The following GOLGA3 variants were observed in gnomAD, a reference collection of about 807,000 sequenced individuals.
GOLGA3 encodes the protein golgin A3.
In GOLGA3, 75 loss-of-function variants were observed where a neutral mutation model predicts 169.4. That is an observed-to-expected ratio of 0.44 (90% CI 0.37 to 0.54). The LOEUF (loss-of-function observed/expected upper bound fraction) is 0.54. Among genes scored for constraint, GOLGA3 ranks in the 20% least tolerant of loss-of-function variants. The pLI is 0.00. For missense variants in GOLGA3, 1,899 were observed against 1,930.0 expected (o/e 0.98, Z 0.30); for synonymous variants, 824 against 822.4 (o/e 1.00, Z -0.03).
Position 132,804,695 on chromosome 12 carries a change from C to T in GOLGA3, c.1597+21G>A, listed in dbSNP as rs774343498. The stretch of plus-strand genomic sequence containing the variant: ...CAGGGACCAGTCAGGGAGGGGAGGG[C>T]GTGGCCAGGGCCAGCCTCACCTGTG... On this transcript the variant is annotated intron_variant, in intron 7 of 23. Transcript: ENST00000450791. The surrounding 1 kb of genome is among the most constrained non-coding windows in gnomAD (Gnocchi z 4.1). 3.8e-6 allele frequency: 6 copies of T among 1,584,742 alleles called. No individual in the cohort carries two copies. In the East Asian group the frequency reaches 6.7e-5, roughly 18 times the overall value.
chr12:132,819,789 C>T (rs1280374350), intron 2 of GOLGA3, among the ~76,000 whole-genome samples: 9 of 152,210 alleles, frequency 5.9e-5, no homozygotes, highest in African/African-American at 1.4e-4. Flanking sequence ...CCTGTAATCC[C>T]AGCACTTTGG....
Position 132,813,434 on chromosome 12 carries a change from G to A in GOLGA3, c.407-15C>T. 1 of 1,447,992 alleles carries A rather than the reference G, an allele frequency of 6.9e-7. No individual in the cohort carries two copies. Among genetic ancestry groups the A allele is most frequent in the Non-Finnish European group, 9.6e-7 (1 of 1,042,294 alleles). 89.7% of individuals were successfully genotyped at this position (1,447,992 alleles called of 1,614,324 possible). A position where few individuals can be genotyped will look rare whatever the true frequency, so the allele number is the denominator to read the frequency against. On this transcript the variant is annotated splice_polypyrimidine_tract_variant and intron_variant, in intron 3 of 23. Coordinates refer to ENST00000450791, the MANE Select transcript of GOLGA3 (RefSeq NM_001389683.1). ...ATCTGTAGAGCCTGCAGTGGGAAAA[G>A]GGCAATTTGGAAACTCATAAAATAC...
rs1280331348 is a variant in GOLGA3 at position 132,792,843 on chromosome 12, G to A, written c.2470-1550C>T. On this transcript the variant is annotated intron_variant, in intron 11 of 23. Coordinates refer to ENST00000450791, the MANE Select transcript of GOLGA3 (RefSeq NM_001389683.1). The stretch of plus-strand genomic sequence containing the variant: ...CCACTCGGAGGGCTCCACACGGACC[G>A]ACCACACGGGACCTGCACTCGGAGG... Among the ~76,000 whole-genome samples the A allele has an allele frequency of 1.2e-4, 8 of 65,170 alleles. 1 individual carries two copies. The highest frequency in any genetic ancestry group is 2.3e-4 in the Non-Finnish European group (8 of 34,144). 42.8% of individuals were successfully genotyped at this position (65,170 alleles called of 152,430 possible). A position where few individuals can be genotyped will look rare whatever the true frequency, so the allele number is the denominator to read the frequency against.
At chr12:132,789,921 T>TA (rs2046133872) in intron 12 of GOLGA3, among the ~76,000 whole-genome samples, 2 of 152,010 alleles carry the variant, frequency 1.3e-5, no homozygotes. Context: ...TAGTCCCAGC[T>TA]ACTCACGAGG....
intron 22 of GOLGA3, 177 bp from the exon 23 acceptor site, chr12:132,774,497 T>C: frequency 3.1e-6 from 2 of 645,428 alleles, no homozygotes; most frequent in East Asian, 5.5e-5. Flanking sequence ...CCAGAATAGC[T>C]GGCTGAGGAA....
chr12:132,798,290 A>G (rs1386802208), intron 9 of GOLGA3, 50 bp downstream of exon 9: 1 of 1,535,780 alleles, frequency 6.5e-7, no homozygotes, highest in African/African-American at 1.4e-5. Context: ...CATGGTATCG[A>G]TGTCTGCGTC....
chr12:132,804,732 G>A lies in GOLGA3; in HGVS notation c.1581C>T (p.Leu527=). The A allele has an allele frequency of 6.2e-7, 1 of 1,613,200 alleles. No homozygotes were observed. Among genetic ancestry groups the A allele is most frequent in the Non-Finnish European group, 8.5e-7 (1 of 1,179,270 alleles). ...CAGCCTCACCTGTGTTGTCCTTGCT[G>A]AGCATGCTCCTCTGCATGTCCTCTA... The part of the protein sequence containing the change: ...AKVEDMQRSM[L]SKDNTVHDLR... The change falls in exon 7 of 24, where the codon CTC becomes CTT. Residue 527 remains leucine, a synonymous_variant. Coordinates refer to ENST00000450791, the MANE Select transcript of GOLGA3 (RefSeq NM_001389683.1). This position sits in a 1 kb window ranked among gnomAD's most constrained non-coding sequence, Gnocchi z 4.1.
intron 8 of GOLGA3, among the ~76,000 whole-genome samples, chr12:132,798,867 C>A (rs1022935736): frequency 1.3e-5 from 2 of 152,216 alleles, no homozygotes; most frequent in Non-Finnish European, 2.9e-5. Context: ...CACACCAGGG[C>A]CTGCCCTCAG....
In GOLGA3 at chr12:132,769,825, G is replaced by A. The variant is rs1018756647; in HGVS notation, c.*3280C>T. On this transcript the variant is annotated 3_prime_UTR_variant, in exon 24 of 24. Coordinates refer to ENST00000450791, the MANE Select transcript of GOLGA3 (RefSeq NM_001389683.1). Reference sequence around the variant, plus strand: ...AGGATATTCCATCATTCCCACTTCTGCCCACAAGAACAAAATAATTCAAAC... The same window carrying A: ...AGGATATTCCATCATTCCCACTTCTACCCACAAGAACAAAATAATTCAAAC... 3 of 152,080 alleles carry A rather than the reference G, an allele frequency of 2.0e-5. No individual in the cohort carries two copies. Among genetic ancestry groups the A allele is most frequent in the Admixed American group, 1.3e-4 (2 of 15,272 alleles). The allele number at this position is 152,080 out of a possible 1,614,324, so 9.4% of individuals were successfully genotyped here. A position where few individuals can be genotyped will look rare whatever the true frequency, so the allele number is the denominator to read the frequency against.
intron 2 of GOLGA3, among the ~76,000 whole-genome samples, chr12:132,821,706 T>C (rs1027390800): frequency 1.3e-5 from 2 of 148,764 alleles, no homozygotes; most frequent in African/African-American, 4.9e-5. Flanking sequence ...TACAAAAAAT[T>C]AGCCGGGCGC....
Position 132,776,968 on chromosome 12 carries a change from C to A in GOLGA3, c.3845G>T (p.Gly1282Val). The change falls in exon 20 of 24, where the codon GGA (glycine) becomes GTA (valine). Residue 1282 changes from glycine to valine, a missense_variant. Coordinates refer to ENST00000450791, the MANE Select transcript of GOLGA3 (RefSeq NM_001389683.1). The stretch of plus-strand genomic sequence containing the variant: ...CCCGTGAACCGTCACCTCTTGGTTT[C>A]CCACGGGCTGTTTGCTGAGCTGCTC... ...LDEQLSKQPV[G>V]NQEMENLKWE... The A allele has an allele frequency of 6.3e-7, 1 of 1,596,012 alleles. No homozygotes were observed. The highest frequency in any genetic ancestry group is 1.1e-5 in the South Asian group (1 of 87,950).
chr12:132,773,421 C>A, intron 23 of GOLGA3, 127 bp from the exon 24 acceptor site: 1 of 539,190 alleles, frequency 1.9e-6, no homozygotes, highest in African/African-American at 1.9e-5. Context: ...CGCAAACCAA[C>A]TGAGACCACA....
At chr12:132,787,471 C>T (rs981896485) in intron 13 of GOLGA3, among the ~76,000 whole-genome samples, 6 of 149,578 alleles carry the variant, frequency 4.0e-5, no homozygotes, top group Admixed American at 1.3e-4. Context: ...ACCCCAGGAC[C>T]CCTCCCCAAG....
In GOLGA3 at chr12:132,770,279, TAAGG is replaced by T. The variant is rs1367947026; in HGVS notation, c.*2822_*2825del. 6.6e-6 allele frequency: 1 copy of T among 150,870 alleles called. No individual in the cohort carries two copies. The highest frequency in any genetic ancestry group is 1.5e-5 in the Non-Finnish European group (1 of 67,838). 9.3% of individuals were successfully genotyped at this position (150,870 alleles called of 1,614,324 possible). On this transcript the variant is annotated 3_prime_UTR_variant, in exon 24 of 24. Transcript: ENST00000450791. Reference sequence around the variant, plus strand: ...CAACTTCCTCTTTTAGGCGTCTTCTTAAGGAAGGAAGTGTCCGCGTGAACACGAG... The same window carrying T: ...CAACTTCCTCTTTTAGGCGTCTTCTTAAGGAAGTGTCCGCGTGAACACGAG...
At position 132,796,045 on chromosome 12, in the gene GOLGA3, C is replaced by T; in HGVS notation, c.2276G>A (p.Gly759Asp). The change falls in exon 11 of 24, where the codon GGC becomes GAC. Residue 759 changes from glycine to aspartate, a missense_variant. Transcript: ENST00000450791. ...ELQARLGELQ[G>D]EAASREDTIC... ...CGTGTCCTCCCTGGAGGCGGCCTCG[C>T]CCTGCAGCTCCCCCAGCCTGGCCTG... The T allele has an allele frequency of 6.2e-7, 1 of 1,612,516 alleles. No individual in the cohort carries two copies.
intron 2 of GOLGA3, among the ~76,000 whole-genome samples, chr12:132,820,974 C>T (rs963909468): frequency 6.6e-6 from 1 of 151,546 alleles, no homozygotes; most frequent in African/African-American, 2.4e-5. Flanking sequence ...GTGGCAGGTG[C>T]CTGTAGTCCC....
At chr12:132,774,088 G>A (rs867241893) in intron 23 of GOLGA3, 69 bp downstream of exon 23, 1 of 1,389,662 alleles carries the variant, frequency 7.2e-7, no homozygotes, top group South Asian at 1.4e-5. Context: ...GGCACCAGGA[G>A]TGCCCTCCCA....
Position 132,786,829 on chromosome 12 carries a change from C to T in GOLGA3, c.2812-42G>A, listed in dbSNP as rs771090004. 4 of 1,312,038 alleles carry T rather than the reference C, an allele frequency of 3.0e-6. No homozygotes were observed. In the African/African-American group the frequency reaches 4.3e-5, roughly 14 times the overall value. 81.3% of individuals were successfully genotyped at this position (1,312,038 alleles called of 1,614,324 possible). On this transcript the variant is annotated intron_variant, in intron 13 of 23. Coordinates refer to ENST00000450791, the MANE Select transcript of GOLGA3 (RefSeq NM_001389683.1). Reference sequence around the variant, plus strand: ...GGGCGTGAGGAGCGGCACTGCCACCCCCAGCCTGTCTCCCCTTCCTGGCTC... The same window carrying T: ...GGGCGTGAGGAGCGGCACTGCCACCTCCAGCCTGTCTCCCCTTCCTGGCTC...
In GOLGA3 at chr12:132,777,702, A is replaced by C; in HGVS notation, c.3686T>G (p.Leu1229Arg). ...GGCCTCGGCCTGCAGCTTCTGCACC[A>C]GGTGTTCCTTGGCCTGCAGCTCCTT... The part of the protein sequence containing the change: ...VKKELQAKEH[L>R]VQKLQAEADD... The change falls in exon 19 of 24, where the codon CTG (leucine) becomes CGG (arginine). Residue 1229 changes from leucine to arginine, a missense_variant. Coordinates refer to ENST00000450791, the MANE Select transcript of GOLGA3 (RefSeq NM_001389683.1). The surrounding 1 kb of genome is among the most constrained non-coding windows in gnomAD (Gnocchi z 4.7). 1 of 1,614,092 alleles carries C rather than the reference A, an allele frequency of 6.2e-7. No individual in the cohort carries two copies. The highest frequency in any genetic ancestry group is 8.5e-7 in the Non-Finnish European group (1 of 1,180,006).
Sources: allele counts gnomAD v4.1 joint callset (sites outside exome capture counted in the v4.1 genomes callset), GRCh38; gene constraint gnomAD v4.1.1; non-coding constraint Gnocchi (gnomAD v3.1); transcripts MANE v1.5; gene names NCBI Gene and HGNC (gene_info 2026-07-23, HGNC 2026-07-21).